Variants in CADM2 observed in about 807,000 individuals in gnomAD.
CADM2 encodes the protein cell adhesion molecule 2.
CADM2 carries 12 observed loss-of-function variants against 49.8 expected under a neutral mutation model. The ratio of observed to expected loss-of-function variants is 0.24; its 90% confidence interval spans 0.15 to 0.39. The LOEUF (loss-of-function observed/expected upper bound fraction) is 0.39, where lower values mean the gene tolerates loss of function less well. Among genes scored for constraint, CADM2 ranks in the 10% least tolerant of loss-of-function variants. CADM2 has a pLI of 1.00. For missense variants in CADM2, 378 were observed against 492.3 expected, an observed-to-expected ratio of 0.77 and a Z score of 2.20; for synonymous variants, 214 against 175.4, an observed-to-expected ratio of 1.22 and a Z score of -1.74.
intron 1 of CADM2, among the ~76,000 whole-genome samples, chr3:84,984,056 C>A (rs34604403): frequency 3.4e-5 from 5 of 149,068 alleles, no homozygotes; most frequent in Non-Finnish European, 7.4e-5. Context: ...TATACACACA[C>A]ACACACACAC....
chr3:85,686,856 C>T (rs2066232497), intron 1 of CADM2, among the ~76,000 whole-genome samples: 2 of 152,144 alleles, frequency 1.3e-5, no homozygotes, highest in South Asian at 4.1e-4. Context: ...CCTGGAAGCA[C>T]CCTCCCCTTT....
At chr3:85,367,374 T>G (rs2032863067) in intron 1 of CADM2, among the ~76,000 whole-genome samples, 1 of 151,934 alleles carries the variant, frequency 6.6e-6, no homozygotes, top group African/African-American at 2.4e-5. Flanking sequence ...AGAATTTTAC[T>G]TAGAAATGCA....
intron 1 of CADM2, among the ~76,000 whole-genome samples, chr3:85,110,375 A>G (rs2038404005): frequency 6.6e-6 from 1 of 151,864 alleles, no homozygotes; most frequent in South Asian, 2.1e-4. Context: ...GAGCAAAGTC[A>G]AAAGAGAGAC....
chr3:85,274,120 G>A (rs1037172909), intron 1 of CADM2, among the ~76,000 whole-genome samples: 7 of 151,450 alleles, frequency 4.6e-5, no homozygotes, highest in African/African-American at 1.7e-4. Flanking sequence ...AAGGCCACAG[G>A]TGAGTTTGAT....
At chr3:86,064,856 T>C (rs902548290) in intron 8 of CADM2, among the ~76,000 whole-genome samples, 26 of 152,200 alleles carry the variant, frequency 1.7e-4, no homozygotes, top group Admixed American at 1.6e-3. Context: ...CTCTTTCCAA[T>C]CACTTTCTCT....
intron 1 of CADM2, among the ~76,000 whole-genome samples, chr3:85,016,875 A>C (rs2034273023): frequency 6.6e-6 from 1 of 152,204 alleles, no homozygotes; most frequent in African/African-American, 2.4e-5. Context: ...TTTGAATAGA[A>C]TACTGTGAGA....
chr3:85,213,207 G>T (rs1187086052), intron 1 of CADM2, among the ~76,000 whole-genome samples: 2 of 152,004 alleles, frequency 1.3e-5, no homozygotes, highest in Admixed American at 1.3e-4. Context: ...TATTGGTCAT[G>T]AATGTAGTTT....
intron 1 of CADM2, among the ~76,000 whole-genome samples, chr3:85,264,189 A>C (rs1384060887): frequency 1.3e-5 from 2 of 152,134 alleles, no homozygotes; most frequent in Admixed American, 1.3e-4. Flanking sequence ...CTCAGCACAG[A>C]CTTTCCTATT....
At chr3:85,888,942 A>C (rs902918341) in intron 5 of CADM2, among the ~76,000 whole-genome samples, 1 of 152,108 alleles carries the variant, frequency 6.6e-6, no homozygotes, top group Admixed American at 6.6e-5. Flanking sequence ...ATATCACTTG[A>C]CACGTTTTAA....
chr3:85,199,776 G>T (rs1285621190), intron 1 of CADM2, among the ~76,000 whole-genome samples: 10 of 151,926 alleles, frequency 6.6e-5, no homozygotes, highest in African/African-American at 2.2e-4. Context: ...CAAACCTGTA[G>T]TCAAATAATT....
chr3:85,714,651 C>T lies in CADM2; in HGVS notation c.62-11871C>T, dbSNP rs964583678. ...TTCACCGTGTTAGCTAGGATGGTCT[C>T]GATCTCCTGACCTCGTGATCCGCCC... On this transcript the variant is annotated intron_variant, in intron 1 of 9. Coordinates refer to ENST00000383699, the MANE Select transcript of CADM2 (RefSeq NM_001167675.2). 4.6e-5 allele frequency among the ~76,000 whole-genome samples: 7 copies of T among 152,108 alleles called. 1 individual carries two copies. Among genetic ancestry groups the T allele is most frequent in the Admixed American group, 3.9e-4 (6 of 15,272 alleles).
At chr3:85,063,472 G>A (rs1411696787) in intron 1 of CADM2, among the ~76,000 whole-genome samples, 2 of 151,924 alleles carry the variant, frequency 1.3e-5, no homozygotes, top group African/African-American at 2.4e-5. Flanking sequence ...CATAGACACA[G>A]ACACAAGATA....
At chr3:85,736,085 A>C (rs2068120666) in intron 2 of CADM2, among the ~76,000 whole-genome samples, 1 of 152,134 alleles carries the variant, frequency 6.6e-6, no homozygotes, top group South Asian at 2.1e-4. Context: ...AGCCTTAAAG[A>C]GATCAATCAG....
intron 1 of CADM2, among the ~76,000 whole-genome samples, chr3:85,676,916 C>A (rs973040427): frequency 6.6e-6 from 1 of 152,088 alleles, no homozygotes; most frequent in African/African-American, 2.4e-5. Flanking sequence ...ATTCAATATA[C>A]CTCATTAGTT....
At chr3:85,771,709 A>C (rs1023068193) in intron 2 of CADM2, among the ~76,000 whole-genome samples, 2 of 152,072 alleles carry the variant, frequency 1.3e-5, no homozygotes, top group African/African-American at 4.8e-5. Flanking sequence ...AATGGAGAAC[A>C]GGTCAGACAT....
intron 1 of CADM2, among the ~76,000 whole-genome samples, chr3:85,559,754 C>A (rs2062047842): frequency 6.6e-6 from 1 of 151,716 alleles, no homozygotes. Flanking sequence ...AATAACAAGT[C>A]AAACTTCATT....
intron 1 of CADM2, among the ~76,000 whole-genome samples, chr3:85,463,111 T>A (rs976308739): frequency 6.6e-6 from 1 of 152,200 alleles, no homozygotes; most frequent in Admixed American, 6.5e-5. Context: ...TTAACTCTTA[T>A]GATTTTGTAT....
chr3:85,161,972 A>G (rs941865170), intron 1 of CADM2, among the ~76,000 whole-genome samples: 3 of 152,044 alleles, frequency 2.0e-5, no homozygotes, highest in Non-Finnish European at 4.4e-5. Flanking sequence ...TCACATGACT[A>G]CACTCCAGAC....
intron 1 of CADM2, among the ~76,000 whole-genome samples, chr3:85,649,689 A>T (rs939450806): frequency 2.6e-5 from 4 of 152,180 alleles, no homozygotes; most frequent in Non-Finnish European, 4.4e-5. Flanking sequence ...TTAAACGCAA[A>T]GGAGACCGTG....
Sources: allele counts gnomAD v4.1 joint callset (sites outside exome capture counted in the v4.1 genomes callset), GRCh38; gene constraint gnomAD v4.1.1; transcripts MANE v1.5; gene names NCBI Gene and HGNC (gene_info 2026-07-23, HGNC 2026-07-21).